The following APOM variants were observed in gnomAD, a reference collection of about 807,000 sequenced individuals.
APOM encodes apolipoprotein M.
APOM carries 24 observed loss-of-function variants against 23.5 expected under a neutral mutation model. The observed-to-expected ratio is 1.02, with a 90% confidence interval of 0.74 to 1.44. The LOEUF is 1.44. Among genes scored for constraint, APOM ranks in the 40% most tolerant of loss-of-function variants. The probability of loss-of-function intolerance (pLI) is 0.00; values close to 1 mark genes in which losing one functional copy is unlikely to be tolerated. For synonymous variants in APOM, 82 were observed against 84.1 expected (o/e 0.97, Z 0.14); for missense variants, 200 against 233.2 (o/e 0.86, Z 0.93).
At chr6:31,655,767 G>T, upstream of APOM, 1 of 563,064 alleles carries the variant, frequency 1.8e-6, no homozygotes, top group Non-Finnish European at 3.2e-6. Flanking sequence ...CTATGGAGTG[G>T]TTGCATCCGG....
intron 2 of APOM, 50 bp downstream of exon 2, chr6:31,656,676 G>A (rs1426796186): frequency 3.1e-6 from 5 of 1,588,372 alleles, no homozygotes; most frequent in Non-Finnish European, 3.4e-6. Context: ...TCTGCCCAAA[G>A]TGTGAGAATC....
upstream of APOM, among the ~76,000 whole-genome samples, chr6:31,653,736 C>T (rs956097421): frequency 6.6e-6 from 1 of 152,104 alleles, no homozygotes; most frequent in Non-Finnish European, 1.5e-5. Flanking sequence ...GGCTGGAGTG[C>T]AGTGGCGCAA....
chr6:31,655,339 G>T (rs1799930986), upstream of APOM: 2 of 152,388 alleles, frequency 1.3e-5, no homozygotes, highest in South Asian at 4.1e-4. Flanking sequence ...TTGAGTGAAT[G>T]TGTCAGTGAA....
chr6:31,656,100 G>A lies in APOM; in HGVS notation c.114+20G>A. The A allele has an allele frequency of 1.3e-6, 2 of 1,541,456 alleles. No homozygotes were observed. The highest frequency in any genetic ancestry group is 8.8e-7 in the Non-Finnish European group (1 of 1,137,592). ...AAGGAGGTATGGACTGAGATTGGGG[G>A]AAGCCTATGGTGGAGGCTCTGAGGG... On this transcript the variant is annotated intron_variant, in intron 1 of 5. Transcript: ENST00000375916.
chr6:31,657,519 AG>A (rs780791374), intron 4 of APOM, 41 bp downstream of exon 4: 2 of 1,608,532 alleles, frequency 1.2e-6, no homozygotes, highest in South Asian at 2.2e-5. Flanking sequence ...GAGGGAAACA[AG>A]GGAGGGCAGG....
rs1799991552 is a variant in APOM, at chr6:31,655,918, G to GGA, written c.-43_-42dup. 1 of 1,308,376 alleles carries GGA rather than the reference G, an allele frequency of 7.6e-7. No homozygotes were observed. The highest frequency in any genetic ancestry group is 1.1e-6 in the Non-Finnish European group (1 of 925,444). The allele number at this position is 1,308,376 out of a possible 1,614,324, so 81.0% of individuals were successfully genotyped here. A position where few individuals can be genotyped will look rare whatever the true frequency, so the allele number is the denominator to read the frequency against. On this transcript the variant is annotated 5_prime_UTR_variant, in exon 1 of 6. Transcript: ENST00000375916. ...CAGAGTGGACTGAGCAGCCAGTAGG[G>GGA]GAGAGAGCAGTTAAGGCACACAGAG...
chr6:31,657,129 G>A, intron 2 of APOM, 96 bp from the exon 3 acceptor site: 3 of 1,219,600 alleles, frequency 2.5e-6, no homozygotes, highest in Non-Finnish European at 3.5e-6. Context: ...CTGGGCAACA[G>A]AGTGAGACTC....
At chr6:31,656,974 G>C (rs572449926) in intron 2 of APOM, among the ~76,000 whole-genome samples, 1 of 151,990 alleles carries the variant, frequency 6.6e-6, no homozygotes, top group Non-Finnish European at 1.5e-5. Flanking sequence ...GTGAAACCCC[G>C]TCTCTACTAA....
chr6:31,657,257 T>C lies in APOM; in HGVS notation c.302T>C (p.Ile101Thr), dbSNP rs758181825. 2 of 1,612,924 alleles carry C rather than the reference T, an allele frequency of 1.2e-6. No individual in the cohort carries two copies. The highest frequency in any genetic ancestry group is 1.7e-5 in the Admixed American group (1 of 59,994). The change falls in exon 3 of 6, where the codon ATC becomes ACC. Residue 101 changes from isoleucine (I) to threonine (T), a missense_variant. Physicochemically the swap from Ile to Thr is moderately conservative, Grantham distance 89. Coordinates refer to ENST00000375916, the MANE Select transcript of APOM (RefSeq NM_019101.3). ...KDGLCVPRKWIYHLTEGSTDL... is the reference protein window; with the variant it reads ...KDGLCVPRKWTYHLTEGSTDL... ...GGGCTCTGTGTGCCCCGGAAATGGA[T>C]CTACCACCTGACTGAAGGGAGCACA...
chr6:31,657,560 C>A (rs1216469586), intron 4 of APOM, 65 bp from the exon 5 acceptor site: 4 of 1,597,140 alleles, frequency 2.5e-6, no homozygotes, highest in Admixed American at 1.7e-5. Context: ...CCTATGACAC[C>A]CTCCCAGGAA....
chr6:31,656,717 A>AT, intron 2 of APOM, 91 bp downstream of exon 2: 1 of 1,484,674 alleles, frequency 6.7e-7, no homozygotes, highest in South Asian at 1.3e-5. Context: ...CTTAGCTGGT[A>AT]TATCTACTAT....
upstream of APOM, chr6:31,655,333 G>A (rs1799930616): frequency 6.6e-6 from 1 of 152,252 alleles, no homozygotes; most frequent in Admixed American, 6.5e-5. Context: ...TAAATGTTGA[G>A]TGAATGTGTC....
In APOM at chr6:31,657,656, G is replaced by A; in HGVS notation, c.474G>A (p.Val158=). Residue 158 remains valine (V), a synonymous_variant, in exon 5 of 6, where the codon GTG becomes GTA. Transcript: ENST00000375916. ...CACCACATCCTCCCGAAAAGTGTGTGGAGGAATTCAAGTCCCTGACTTCCT... is the reference window on the plus strand; with the variant it reads ...CACCACATCCTCCCGAAAAGTGTGTAGAGGAATTCAAGTCCCTGACTTCCT... ...NRSPHPPEKC[V]EEFKSLTSCL... is the part of the protein sequence containing the mutation. 1 of 1,613,158 alleles carries A rather than the reference G, an allele frequency of 6.2e-7. No homozygotes were observed. Among genetic ancestry groups the A allele is most frequent in the African/African-American group, 1.3e-5 (1 of 75,038 alleles).
At chr6:31,655,656 A>G (rs2151141395), upstream of APOM, 1 of 293,264 alleles carries the variant, frequency 3.4e-6, no homozygotes, top group Admixed American at 4.6e-5. Flanking sequence ...ACAGTGCAAC[A>G]AATAACCAGC....
At position 31,656,041 on chromosome 6, in the gene APOM, G is replaced by C. The variant is rs1800009821; in HGVS notation, c.75G>C (p.Glu25Asp). Residue 25 changes from glutamate (E) to aspartate (D), a missense_variant, in exon 1 of 6, where the codon GAG becomes GAC. Coordinates refer to ENST00000375916, the MANE Select transcript of APOM (RefSeq NM_019101.3). ...TTAACTCCATCTACCAGTGCCCTGA[G>C]CACAGTCAACTGACAACTCTGGGCG... ...IILNSIYQCP[E>D]HSQLTTLGVD... 1 of 1,586,948 alleles carries C rather than the reference G, an allele frequency of 6.3e-7. No homozygotes were observed. The highest frequency in any genetic ancestry group is 1.3e-5 in the African/African-American group (1 of 74,638).
chr6:31,656,657 G>T (rs369862708), intron 2 of APOM, 31 bp downstream of exon 2: 1 of 1,605,030 alleles, frequency 6.2e-7, no homozygotes, highest in African/African-American at 1.3e-5. Flanking sequence ...AGCATCACTG[G>T]GTTCAGTCTC....
Position 31,656,487 on chromosome 6 carries a change from T to C in APOM, c.130T>C (p.Leu44=), listed in dbSNP as rs766856356. The change falls in exon 2 of 6, where the codon TTG becomes CTG. Residue 44 remains leucine (L), a synonymous_variant. Coordinates refer to ENST00000375916, the MANE Select transcript of APOM (RefSeq NM_019101.3). ...GTCTCTCCAGTTCCCAGAGGTCCAC[T>C]TGGGCCAGTGGTACTTTATCGCAGG... ...VDGKEFPEVH[L]GQWYFIAGAA... is the part of the protein sequence containing the mutation. 4.3e-6 allele frequency: 7 copies of C among 1,614,010 alleles called. No homozygotes were observed. The highest frequency in any genetic ancestry group is 3.4e-6 in the Non-Finnish European group (4 of 1,180,008).
upstream of APOM, among the ~76,000 whole-genome samples, chr6:31,654,541 C>T (rs1301249278): frequency 1.3e-5 from 2 of 152,054 alleles, no homozygotes; most frequent in East Asian, 1.9e-4. Flanking sequence ...ATTAGCTAGG[C>T]GTGATGGCGT....
Position 31,657,606 on chromosome 6 carries a change from C to A in APOM, c.443-19C>A. 1 of 1,609,734 alleles carries A rather than the reference C, an allele frequency of 6.2e-7. No individual in the cohort carries two copies. The highest frequency in any genetic ancestry group is 8.5e-7 in the Non-Finnish European group (1 of 1,177,194). ...CTTCCAGGGGTTTTGACTGGCCTGACCCCACCTTGCCCTTCCAGATCGCTC... is the reference window on the plus strand; with the variant it reads ...CTTCCAGGGGTTTTGACTGGCCTGAACCCACCTTGCCCTTCCAGATCGCTC... On this transcript the variant is annotated intron_variant, in intron 4 of 5. Transcript: ENST00000375916.
Sources: gnomAD v4.1 joint callset for allele counts (sites outside exome capture counted in the v4.1 genomes callset) on GRCh38, gnomAD v4.1.1 for gene constraint, MANE v1.5 for transcripts, NCBI Gene and HGNC (gene_info 2026-07-23, HGNC 2026-07-21) for gene names.